CRLF1: variants seen among roughly 807,000 people sequenced by gnomAD.
CRLF1 encodes cytokine receptor like factor 1.
Under a neutral mutation model 48.9 loss-of-function variants are expected in CRLF1, and 36 were observed. The observed-to-expected ratio is 0.74, with a 90% CI of 0.56 to 0.97. The LOEUF (loss-of-function observed/expected upper bound fraction) is 0.97, where lower values mean the gene tolerates loss of function less well. Ranked by LOEUF, CRLF1 falls within the 50% of genes least tolerant of loss-of-function variation. The pLI, the probability that CRLF1 is intolerant of heterozygous loss-of-function variation, is 0.00. For missense variants in CRLF1, 534 were observed against 575.1 expected (o/e 0.93, Z 0.73); for synonymous variants, 256 against 253.4 (o/e 1.01, Z -0.10).
At chr19:18,602,944 C>A (rs1976238927) in intron 1 of CRLF1, among the ~76,000 whole-genome samples, 1 of 152,214 alleles carries the variant, frequency 6.6e-6, no homozygotes, top group Non-Finnish European at 1.5e-5. Context: ...CTCTTGACCT[C>A]CAGTGATCCA....
chr19:18,597,468 C>T (rs1357593628), intron 4 of CRLF1, among the ~76,000 whole-genome samples: 3 of 93,932 alleles, frequency 3.2e-5, no homozygotes, highest in South Asian at 3.2e-4. Context: ...CTCGCTCTGT[C>T]GCCCAGGCTG....
intron 8 of CRLF1, chr19:18,593,819 C>T (rs1230669986): frequency 1.0e-6 from 1 of 985,360 alleles, no homozygotes; most frequent in African/African-American, 1.7e-5. Flanking sequence ...TATGTTCATT[C>T]ATTTCGGAGG....
rs1480736102 is a variant in CRLF1, at chr19:18,606,174, G to C, written c.115+368C>G. Among the ~76,000 whole-genome samples the C allele has an allele frequency of 6.6e-6, 1 of 151,464 alleles. No homozygotes were observed. On this transcript the variant is annotated intron_variant, in intron 1 of 8. Transcript: ENST00000392386. The surrounding 1 kb of genome is among the most constrained non-coding windows in gnomAD (Gnocchi z 4.8). The stretch of plus-strand genomic sequence containing the variant: ...CAGCGCGCCAACCGCGTGCGCCCCC[G>C]CCTGGGAGCGGTGCCCTGCAGTCCC...
chr19:18,598,606 G>A lies in CRLF1; in HGVS notation c.528-5C>T, dbSNP rs746899162. ...GTGTTGTCCTGGCCATACCACCTGC[G>A]GGGATGGGAGGGCGACAGGACGCAT... On this transcript the variant is annotated splice_region_variant and splice_polypyrimidine_tract_variant and intron_variant, in intron 3 of 8. Transcript: ENST00000392386. 1.2e-5 allele frequency: 19 copies of A among 1,613,992 alleles called. No homozygotes were observed. The highest frequency in any genetic ancestry group is 8.8e-5 in the South Asian group (8 of 91,084).
chr19:18,597,031 G>C lies in CRLF1; in HGVS notation c.716C>G (p.Pro239Arg). The C allele has an allele frequency of 6.2e-7, 1 of 1,612,764 alleles. No individual in the cohort carries two copies. The highest frequency in any genetic ancestry group is 8.5e-7 in the Non-Finnish European group (1 of 1,179,572). ...CCCGACGCGGCTCACGTGCACGTCG[G>C]GCGGGGGGTCCGTGGTCACTGCGGG... ...ILDVVTTDPPPDVHVSRVGGL... is the reference protein window; with the variant it reads ...ILDVVTTDPPRDVHVSRVGGL... Residue 239 changes from proline to arginine, a missense_variant, in exon 5 of 9, where the codon CCC (proline) becomes CGC (arginine). Transcript: ENST00000392386.
chr19:18,606,020 GC>G lies in CRLF1; in HGVS notation c.115+521del, dbSNP rs1360385828. 6.6e-6 allele frequency among the ~76,000 whole-genome samples: 1 copy of G among 151,776 alleles called. No homozygotes were observed. The highest frequency in any genetic ancestry group is 2.4e-5 in the African/African-American group (1 of 41,376). On this transcript the variant is annotated intron_variant, in intron 1 of 8. Coordinates refer to ENST00000392386, the MANE Select transcript of CRLF1 (RefSeq NM_004750.5). The surrounding 1 kb of genome is among the most constrained non-coding windows in gnomAD (Gnocchi z 4.8). ...CCGCAGGGGGAGGGCGGTGGCGCCG[GC>G]CCGTGGAGACACAAGTCCCCCGGGA...
rs147234540 is a variant in CRLF1, at chr19:18,597,726, C to T, written c.698-677G>A. ...GGATTACAGGTGTGAGCCACCGCGC[C>T]CGGCCCTCCCTTCCACTCTTACTGA... On this transcript the variant is annotated intron_variant, in intron 4 of 8. Coordinates refer to ENST00000392386, the MANE Select transcript of CRLF1 (RefSeq NM_004750.5). Among the ~76,000 whole-genome samples the T allele has an allele frequency of 8.7e-3, 1,328 of 152,040 alleles. 21 individuals are homozygous for T. The highest frequency in any genetic ancestry group is 0.031 in the African/African-American group (1,276 of 41,442).
At chr19:18,603,768 G>A (rs1204141440) in intron 1 of CRLF1, among the ~76,000 whole-genome samples, 1 of 152,182 alleles carries the variant, frequency 6.6e-6, no homozygotes, top group Non-Finnish European at 1.5e-5. Context: ...CGAGGGCTCT[G>A]TCTCGCTGGA....
chr19:18,602,138 T>C (rs1471360308), intron 1 of CRLF1, among the ~76,000 whole-genome samples: 1 of 152,162 alleles, frequency 6.6e-6, no homozygotes, highest in African/African-American at 2.4e-5. Context: ...CCATGGGTGG[T>C]TGATGCCTCT....
Position 18,606,725 on chromosome 19 carries a change from AGGCCGGGCGC to A in CRLF1, c.-79_-70del, listed in dbSNP as rs1976303219. On this transcript the variant is annotated 5_prime_UTR_variant, in exon 1 of 9. Coordinates refer to ENST00000392386, the MANE Select transcript of CRLF1 (RefSeq NM_004750.5). This position sits in a 1 kb window ranked among gnomAD's most constrained non-coding sequence, Gnocchi z 4.8. Reference sequence around the variant, plus strand: ...GGCGGTGGCGCAGGGCGCGGGACGCAGGCCGGGCGCGGGAGGGCGCGGGCCAGGCCGCCCG... The same window carrying A: ...GGCGGTGGCGCAGGGCGCGGGACGCAGGGAGGGCGCGGGCCAGGCCGCCCG... 5.0e-6 allele frequency: 1 copy of A among 200,272 alleles called. No individual in the cohort carries two copies. The highest frequency in any genetic ancestry group is 1.7e-4 in the South Asian group (1 of 5,938). The allele number at this position is 200,272 out of a possible 1,614,324, so 12.4% of individuals were successfully genotyped here.
rs745873438 is a variant in CRLF1 at position 18,598,752 on chromosome 19, G to A, written c.527+20C>T. 42 of 1,613,968 alleles carry A rather than the reference G, an allele frequency of 2.6e-5. No homozygotes were observed. Among genetic ancestry groups the A allele is most frequent in the Non-Finnish European group, 3.4e-5 (40 of 1,179,996 alleles). ...GCAGCCAGCCTGGGACACACACATC[G>A]CCCTCAGGCCACCACCAACCTAAGC... On this transcript the variant is annotated intron_variant, in intron 3 of 8. Transcript: ENST00000392386.
chr19:18,603,832 C>T (rs1458969902), intron 1 of CRLF1, among the ~76,000 whole-genome samples: 3 of 143,038 alleles, frequency 2.1e-5, no homozygotes, highest in Non-Finnish European at 4.6e-5. Flanking sequence ...CGGAGGTCTC[C>T]GCGTCCGTGC....
intron 8 of CRLF1, 35 bp downstream of exon 8, chr19:18,594,030 G>GCGGGGGGGCCCCCC: frequency 2.3e-6 from 3 of 1,315,310 alleles, no homozygotes; most frequent in Non-Finnish European, 3.2e-6. Flanking sequence ...CCCTCCCCTT[G>GCGGGGGGGCCCCCC]CTCCCTCCCG....
rs568446096 is a variant in CRLF1 at position 18,603,820 on chromosome 19, G to C, written c.115+2722C>G. On this transcript the variant is annotated intron_variant, in intron 1 of 8. Transcript: ENST00000392386. ...GCGCTTGGGGCTTGGCCCAGGGCTCGCCGGAGGTCTCCGCGTCCGTGCGAA... is the reference window on the plus strand; with the variant it reads ...GCGCTTGGGGCTTGGCCCAGGGCTCCCCGGAGGTCTCCGCGTCCGTGCGAA... 1.8e-4 allele frequency among the ~76,000 whole-genome samples: 27 copies of C among 151,520 alleles called. 1 individual carries two copies. The highest frequency in any genetic ancestry group is 3.4e-3 in the Middle Eastern group (1 of 290).
intron 1 of CRLF1, among the ~76,000 whole-genome samples, chr19:18,602,310 G>A (rs888003838): frequency 1.3e-5 from 2 of 152,178 alleles, no homozygotes; most frequent in African/African-American, 4.8e-5. Flanking sequence ...ACATCATGGC[G>A]TCAATGTCAT....
chr19:18,594,040 GCCCA>G, intron 8 of CRLF1, 21 bp downstream of exon 8: 1 of 394,706 alleles, frequency 2.5e-6, no homozygotes, highest in Non-Finnish European at 4.5e-6. Context: ...GCTCCCTCCC[GCCCA>G]CCCATTCAGG....
chr19:18,600,352 C>T (rs926238418), intron 1 of CRLF1, among the ~76,000 whole-genome samples: 8 of 148,872 alleles, frequency 5.4e-5, no homozygotes, highest in South Asian at 2.1e-4. Context: ...GTGTGCACCA[C>T]CATGCCTGAC....
rs920900664 is a variant in CRLF1, at chr19:18,597,674, C to T, written c.698-625G>A. ...GTCTCGATCTCCTGACCTCGTGATC[C>T]GCCCGCCTCGGCCTCCCAAAGTGCT... is the stretch of plus-strand genomic sequence containing the variant. On this transcript the variant is annotated intron_variant, in intron 4 of 8. Coordinates refer to ENST00000392386, the MANE Select transcript of CRLF1 (RefSeq NM_004750.5). Among the ~76,000 whole-genome samples, 10 of 152,080 alleles carry T rather than the reference C, an allele frequency of 6.6e-5. 1 individual carries two copies. The highest frequency in any genetic ancestry group is 4.2e-4 in the South Asian group (2 of 4,816).
chr19:18,594,032 T>TGTGGGC, intron 8 of CRLF1, 33 bp downstream of exon 8: 8 of 695,804 alleles, frequency 1.1e-5, no homozygotes, highest in Non-Finnish European at 1.8e-5. Flanking sequence ...CTCCCCTTGC[T>TGTGGGC]CCCTCCCGCC....
Sources: gnomAD v4.1 joint callset for allele counts (sites outside exome capture counted in the v4.1 genomes callset) on GRCh38, gnomAD v4.1.1 for gene constraint, Gnocchi (gnomAD v3.1) non-coding constraint, MANE v1.5 for transcripts, NCBI Gene and HGNC (gene_info 2026-07-23, HGNC 2026-07-21) for gene names.